ADCY10: variants seen among roughly 807,000 people sequenced by gnomAD.
The protein encoded by ADCY10 is adenylate cyclase type 10.
ADCY10 carries 156 observed loss-of-function variants against 183.3 expected under a neutral mutation model. The observed-to-expected ratio is 0.85, with a 90% CI of 0.75 to 0.97. The LOEUF is 0.97. ADCY10 is among the 50% of genes least tolerant of loss of function. ADCY10 has a pLI of 0.00. For missense variants in ADCY10, 1,745 were observed against 1,934.3 expected, an observed-to-expected ratio of 0.90 and a Z score of 1.84; for synonymous variants, 645 against 670.0, an observed-to-expected ratio of 0.96 and a Z score of 0.58.
chr1:167,873,600 G>GTA (rs555723457), intron 13 of ADCY10, among the ~76,000 whole-genome samples: 43 of 152,212 alleles, frequency 2.8e-4, no homozygotes, highest in Middle Eastern at 6.8e-3. Context: ...TCTCTTATAG[G>GTA]TATATCCCTT....
In ADCY10 at chr1:167,880,153, C is replaced by T; in HGVS notation, c.1178G>A (p.Cys393Tyr). Reference sequence around the variant, plus strand: ...TCTCACAGTGTGTCCAACGATCCCACAGAAGACAATCCCACTGGCAACACC... The same window carrying T: ...TCTCACAGTGTGTCCAACGATCCCATAGAAGACAATCCCACTGGCAACACC... ...SIGVASGIVFCGIVGHTVRHE... is the reference protein window; with the variant it reads ...SIGVASGIVFYGIVGHTVRHE... Residue 393 changes from cysteine to tyrosine, a missense_variant, in exon 11 of 33, where the codon TGT becomes TAT. By Grantham distance (194) the Cys-to-Tyr change is radical. Transcript: ENST00000367851. The T allele has an allele frequency of 3.1e-6, 5 of 1,613,540 alleles. No individual in the cohort carries two copies. The highest frequency in any genetic ancestry group is 4.2e-6 in the Non-Finnish European group (5 of 1,179,862).
chr1:167,893,695 C>CAAA (rs748872658), intron 8 of ADCY10, among the ~76,000 whole-genome samples, 158 bp downstream of exon 8: 15 of 70,186 alleles, frequency 2.1e-4, no homozygotes, highest in East Asian at 1.1e-3. Context: ...GACTCTGTCT[C>CAAA]AAAAAAAAAA....
At chr1:167,880,358 G>A (rs1667785870) in intron 10 of ADCY10, 133 bp downstream of exon 10, 2 of 954,676 alleles carry the variant, frequency 2.1e-6, no homozygotes, top group Admixed American at 3.6e-5. Flanking sequence ...AGATGCGAAG[G>A]AGGAACAACA....
chr1:167,847,558 T>C (rs1665135880), intron 19 of ADCY10, among the ~76,000 whole-genome samples: 1 of 151,484 alleles, frequency 6.6e-6, no homozygotes, highest in Admixed American at 6.6e-5. Context: ...TGGGATTACA[T>C]GCATGCGCCA....
At chr1:167,849,685 A>G (rs936634861) in intron 18 of ADCY10, among the ~76,000 whole-genome samples, 4 of 152,224 alleles carry the variant, frequency 2.6e-5, no homozygotes, top group Non-Finnish European at 5.9e-5. Flanking sequence ...TAACATCAGG[A>G]TGGGTGACTT....
chr1:167,840,187 A>G (rs1664511703), intron 21 of ADCY10, among the ~76,000 whole-genome samples: 1 of 152,058 alleles, frequency 6.6e-6, no homozygotes, highest in African/African-American at 2.4e-5. Context: ...AGCCCAGATC[A>G]TGCCACTACA....
chr1:167,867,956 A>G (rs1666822842), intron 14 of ADCY10, among the ~76,000 whole-genome samples: 1 of 152,152 alleles, frequency 6.6e-6, no homozygotes, highest in African/African-American at 2.4e-5. Flanking sequence ...GGAAGCTGCA[A>G]CCCCTTGAAA....
At chr1:167,825,845 A>T (rs1663250910) in intron 26 of ADCY10, among the ~76,000 whole-genome samples, 1 of 152,240 alleles carries the variant, frequency 6.6e-6, no homozygotes, top group Non-Finnish European at 1.5e-5. Context: ...GGTTACTCTA[A>T]ACAACTCTTT....
intron 26 of ADCY10, among the ~76,000 whole-genome samples, chr1:167,826,951 G>A (rs1252828675): frequency 1.3e-5 from 2 of 152,160 alleles, no homozygotes; most frequent in East Asian, 1.9e-4. Flanking sequence ...GCTAGAAGAG[G>A]ATGGGAAATA....
At chr1:167,853,090 G>A (rs933530028) in intron 18 of ADCY10, among the ~76,000 whole-genome samples, 4 of 152,086 alleles carry the variant, frequency 2.6e-5, no homozygotes, top group South Asian at 2.1e-4. Context: ...TTATTGCACC[G>A]TATTCACCTC....
At chr1:167,838,327 G>T (rs576391035) in intron 21 of ADCY10, among the ~76,000 whole-genome samples, 1 of 142,038 alleles carries the variant, frequency 7.0e-6, no homozygotes, top group East Asian at 2.1e-4. Flanking sequence ...ACTAGCAGCT[G>T]AATATATTGA....
intron 8 of ADCY10, among the ~76,000 whole-genome samples, chr1:167,886,019 T>A (rs1178216133): frequency 6.6e-6 from 1 of 152,162 alleles, no homozygotes; most frequent in African/African-American, 2.4e-5. Context: ...CAAGGAGAAC[T>A]ACAAACCACT....
intron 9 of ADCY10, among the ~76,000 whole-genome samples, chr1:167,881,932 A>G (rs1474382985): frequency 6.6e-6 from 1 of 152,230 alleles, no homozygotes; most frequent in African/African-American, 2.4e-5. Context: ...GCACAGAGTT[A>G]GTTCGTCTCA....
In ADCY10 at chr1:167,878,467, T is replaced by C. The variant is rs138171940; in HGVS notation, c.1385A>G (p.Tyr462Cys). 1.2e-4 allele frequency: 188 copies of C among 1,614,074 alleles called. No individual in the cohort carries two copies. Among genetic ancestry groups the C allele is most frequent in the Admixed American group, 2.8e-4 (17 of 60,018 alleles). ...TCACACTTTCTCAGTACGGCCCCAA[T>C]ACTGATACAATGGTCCAGAATCTGC... The part of the protein sequence containing the change: ...GVADSGPLYQ[Y>C]WGRTEKVMFG... Residue 462 changes from tyrosine (Y) to cysteine (C), a missense_variant, in exon 12 of 33, where the codon TAT (tyrosine) becomes TGT (cysteine). Transcript: ENST00000367851.
intron 21 of ADCY10, among the ~76,000 whole-genome samples, chr1:167,838,809 C>T (rs745305695): frequency 1.3e-5 from 2 of 152,180 alleles, no homozygotes; most frequent in Non-Finnish European, 2.9e-5. Flanking sequence ...CAAACAGAAA[C>T]TCTCGAATCT....
chr1:167,913,181 C>A (rs1054343036), intron 1 of ADCY10, among the ~76,000 whole-genome samples: 1 of 152,076 alleles, frequency 6.6e-6, no homozygotes, highest in African/African-American at 2.4e-5. Context: ...ATGAGGATAC[C>A]TGAGTCAAAA....
chr1:167,881,822 C>T (rs1198034719), intron 9 of ADCY10, among the ~76,000 whole-genome samples: 1 of 152,166 alleles, frequency 6.6e-6, no homozygotes, highest in African/African-American at 2.4e-5. Context: ...AGACTGTTCT[C>T]TTAGATTCTA....
chr1:167,819,116 T>C (rs890541749), intron 30 of ADCY10, among the ~76,000 whole-genome samples: 6 of 152,076 alleles, frequency 3.9e-5, no homozygotes, highest in Non-Finnish European at 8.8e-5. Context: ...TTCAAAGTAA[T>C]TAAAAATAAG....
intron 8 of ADCY10, 33 bp downstream of exon 8, chr1:167,893,820 C>A (rs997638425): frequency 1.2e-5 from 18 of 1,481,730 alleles, no homozygotes; most frequent in Non-Finnish European, 1.7e-5. Flanking sequence ...TCCCTGACAT[C>A]CCCAAAGCCA....
Sources: gnomAD v4.1 joint callset for allele counts (sites outside exome capture counted in the v4.1 genomes callset) on GRCh38, gnomAD v4.1.1 for gene constraint, MANE v1.5 for transcripts, NCBI Gene and HGNC (gene_info 2026-07-23, HGNC 2026-07-21) for gene names.